Variants in NTM observed in about 807,000 individuals in gnomAD.
NTM encodes the protein IgLON family member 2.
A neutral mutation model predicts 42.1 loss-of-function variants in NTM; 13 were observed. The ratio of observed to expected loss-of-function variants is 0.31; its 90% CI spans 0.20 to 0.49. The LOEUF (loss-of-function observed/expected upper bound fraction) is 0.49, where lower values mean the gene tolerates loss of function less well. Ranked by LOEUF, NTM falls within the 20% of genes least tolerant of loss-of-function variation. The pLI, the probability that NTM is intolerant of heterozygous loss-of-function variation, is 0.99. For missense variants in NTM, 373 were observed against 452.8 expected (o/e 0.82, Z 1.60); for synonymous variants, 187 against 179.2 (o/e 1.04, Z -0.35).
intron 1 of NTM, among the ~76,000 whole-genome samples, chr11:131,894,755 C>T (rs530186310): frequency 4.0e-4 from 61 of 152,312 alleles, no homozygotes; most frequent in African/African-American, 1.3e-3. Context: ...TCATCCTCCT[C>T]CCTCTTTCCT....
At chr11:132,029,008 T>C (rs2075569638) in intron 2 of NTM, among the ~76,000 whole-genome samples, 2 of 152,180 alleles carry the variant, frequency 1.3e-5, no homozygotes, top group African/African-American at 4.8e-5. Flanking sequence ...TCCATTTTAG[T>C]TTTTCTATCC....
At chr11:131,721,994 CTCAAAAA>C (rs2078395706) in intron 1 of NTM, among the ~76,000 whole-genome samples, 1 of 53,132 alleles carries the variant, frequency 1.9e-5, no homozygotes, top group Admixed American at 2.8e-4. Flanking sequence ...GAAACTCTGT[CTCAAAAA>C]AAAAAAAAAA....
intron 1 of NTM, among the ~76,000 whole-genome samples, chr11:131,672,053 A>C (rs965666371): frequency 6.6e-6 from 1 of 152,160 alleles, no homozygotes; most frequent in Non-Finnish European, 1.5e-5. Context: ...CCACGTGCAC[A>C]TCCCTTTCTC....
At chr11:132,035,158 T>G (rs148105905) in intron 2 of NTM, among the ~76,000 whole-genome samples, 10 of 152,364 alleles carry the variant, frequency 6.6e-5, no homozygotes, top group African/African-American at 2.2e-4. Context: ...CAGGCTCTCC[T>G]AGATGTTCAT....
intron 2 of NTM, among the ~76,000 whole-genome samples, chr11:132,074,540 CT>C (rs55988054): frequency 0.29 from 43,218 of 147,520 alleles, 6,656 homozygotes; most frequent in African/African-American, 0.41. Flanking sequence ...TTAATAACAG[CT>C]TTTTTTTTTT....
At chr11:131,965,503 T>C (rs1044976703) in intron 2 of NTM, among the ~76,000 whole-genome samples, 2 of 152,156 alleles carry the variant, frequency 1.3e-5, no homozygotes, top group Non-Finnish European at 2.9e-5. Flanking sequence ...TTAATTATTA[T>C]TAATTGTATT....
At chr11:131,573,050 G>A (rs2057599353) in intron 1 of NTM, among the ~76,000 whole-genome samples, 1 of 152,132 alleles carries the variant, frequency 6.6e-6, no homozygotes, top group Admixed American at 6.5e-5. Context: ...GAACACCACT[G>A]ACTCTGCACT....
intron 1 of NTM, among the ~76,000 whole-genome samples, chr11:131,402,761 A>G (rs1945386507): frequency 6.6e-6 from 1 of 152,208 alleles, no homozygotes; most frequent in Admixed American, 6.5e-5. Context: ...TATAAGTACT[A>G]TTGAATCTTT....
At chr11:132,282,233 C>T (rs2093997848) in intron 4 of NTM, among the ~76,000 whole-genome samples, 3 of 152,166 alleles carry the variant, frequency 2.0e-5, no homozygotes, top group Admixed American at 2.0e-4. Flanking sequence ...GCCGTATTGA[C>T]TGGGCTGAGA....
chr11:131,488,415 G>T lies in NTM; in HGVS notation c.82+117527G>T, dbSNP rs565463712. Among the ~76,000 whole-genome samples, 708 of 152,216 alleles carry T rather than the reference G, an allele frequency of 4.7e-3. 3 individuals are homozygous for T. Among genetic ancestry groups the T allele is most frequent in the Non-Finnish European group, 6.9e-3 (467 of 68,008 alleles). On this transcript the variant is annotated intron_variant, in intron 1 of 8. Transcript: ENST00000683400. ...TGATCTTGTGTCATTTTATTTCCTAGCCTGAACTTTTTTTTATGGTGGCTG... is the reference window on the plus strand; with the variant it reads ...TGATCTTGTGTCATTTTATTTCCTATCCTGAACTTTTTTTTATGGTGGCTG...
intron 1 of NTM, among the ~76,000 whole-genome samples, chr11:131,476,897 C>T (rs144425762): frequency 9.2e-5 from 14 of 152,200 alleles, no homozygotes; most frequent in African/African-American, 2.9e-4. Context: ...CACCATACCC[C>T]GGATAAGTTT....
At chr11:132,256,831 G>A (rs538459478) in intron 4 of NTM, among the ~76,000 whole-genome samples, 1 of 152,262 alleles carries the variant, frequency 6.6e-6, no homozygotes, top group East Asian at 1.9e-4. Flanking sequence ...TGGGCCTGCC[G>A]CCCACGGACC....
chr11:131,831,947 AAT>A (rs957114715), intron 1 of NTM, among the ~76,000 whole-genome samples: 4 of 147,590 alleles, frequency 2.7e-5, no homozygotes, highest in Admixed American at 1.4e-4. Flanking sequence ...TTATATATAT[AAT>A]ATATATAATT....
chr11:131,825,074 G>A (rs1281951985), intron 1 of NTM, among the ~76,000 whole-genome samples: 3 of 152,178 alleles, frequency 2.0e-5, no homozygotes, highest in African/African-American at 7.2e-5. Flanking sequence ...TTCCTTCTGA[G>A]GGCTATGAGG....
chr11:132,082,459 T>G (rs1203289977), intron 2 of NTM, among the ~76,000 whole-genome samples: 1 of 152,104 alleles, frequency 6.6e-6, no homozygotes, highest in Non-Finnish European at 1.5e-5. Flanking sequence ...CTTAGTCTTC[T>G]AAAAAATCAA....
chr11:132,115,006 T>A (rs998800985), intron 2 of NTM, among the ~76,000 whole-genome samples: 1 of 152,140 alleles, frequency 6.6e-6, no homozygotes, highest in African/African-American at 2.4e-5. Flanking sequence ...TTCGGCAACA[T>A]GGATGAATGG....
At chr11:131,803,125 A>G (rs1290335562) in intron 1 of NTM, among the ~76,000 whole-genome samples, 1 of 150,882 alleles carries the variant, frequency 6.6e-6, no homozygotes, top group Non-Finnish European at 1.5e-5. Context: ...CTATGGCAGG[A>G]GGTCATCCTC....
intron 1 of NTM, among the ~76,000 whole-genome samples, chr11:131,749,537 C>A (rs1356084086): frequency 2.0e-5 from 3 of 152,182 alleles, no homozygotes; most frequent in Admixed American, 1.3e-4. Flanking sequence ...GATCCCTTAG[C>A]CCCTGGGACA....
chr11:131,810,957 T>C (rs905921439), intron 1 of NTM, among the ~76,000 whole-genome samples: 6 of 152,218 alleles, frequency 3.9e-5, no homozygotes, highest in Admixed American at 1.3e-4. Flanking sequence ...TTCCAGTGTG[T>C]CACAAGTAAT....
Sources: gnomAD v4.1 joint callset for allele counts (sites outside exome capture counted in the v4.1 genomes callset) on GRCh38, gnomAD v4.1.1 for gene constraint, MANE v1.5 for transcripts, NCBI Gene and HGNC (gene_info 2026-07-23, HGNC 2026-07-21) for gene names.